The following CACNA1C variants were observed in gnomAD, a reference collection of about 807,000 sequenced individuals.
CACNA1C encodes calcium voltage-gated channel subunit alpha1 C.
CACNA1C carries 30 observed loss-of-function variants against 229.0 expected under a neutral mutation model. The observed-to-expected ratio is 0.13, with a 90% confidence interval of 0.10 to 0.18. The LOEUF is 0.18. Ranked by LOEUF, CACNA1C falls within the 10% of genes least tolerant of loss-of-function variation. The pLI is 1.00. For missense variants in CACNA1C, 1,658 were observed against 2,845.0 expected, an observed-to-expected ratio of 0.58 and a Z score of 9.49; for synonymous variants, 1,114 against 1,132.5, an observed-to-expected ratio of 0.98 and a Z score of 0.33.
chr12:2,026,532 A>C (rs1161845088), intron 1 of CACNA1C, among the ~76,000 whole-genome samples: 3 of 152,200 alleles, frequency 2.0e-5, no homozygotes, highest in Non-Finnish European at 4.4e-5. Context: ...GGTAGGAATG[A>C]ATGAAGGGAA....
chr12:2,328,298 GCTT>G (rs2096410574), intron 3 of CACNA1C, among the ~76,000 whole-genome samples: 1 of 152,224 alleles, frequency 6.6e-6, no homozygotes, highest in South Asian at 2.1e-4. Flanking sequence ...TTATTAGAGA[GCTT>G]CTGCCCAGTG....
intron 3 of CACNA1C, among the ~76,000 whole-genome samples, chr12:2,446,842 G>A (rs181219871): frequency 9.2e-4 from 139 of 151,294 alleles, no homozygotes; most frequent in Non-Finnish European, 1.5e-3. Flanking sequence ...GTACATGGAT[G>A]GATGAATGGA....
intron 1 of CACNA1C, among the ~76,000 whole-genome samples, chr12:2,017,255 C>T (rs556919515): frequency 1.3e-5 from 2 of 152,226 alleles, no homozygotes; most frequent in South Asian, 2.1e-4. Flanking sequence ...CCCTGGCACA[C>T]GGGTGGAAAA....
chr12:1,985,670 T>C (rs2037484976), intron 1 of CACNA1C, among the ~76,000 whole-genome samples: 1 of 152,204 alleles, frequency 6.6e-6, no homozygotes, highest in Non-Finnish European at 1.5e-5. Context: ...ATTTTTATTA[T>C]TTTGTGAGAC....
intron 1 of CACNA1C, among the ~76,000 whole-genome samples, chr12:1,975,702 C>T (rs887985395): frequency 2.6e-5 from 4 of 152,134 alleles, no homozygotes; most frequent in Non-Finnish European, 4.4e-5. Flanking sequence ...AAGCTGAGAA[C>T]CTTAATAGTC....
rs755032537 is a variant in CACNA1C at position 2,605,984 on chromosome 12, A to G, written c.3156+198A>G. On this transcript the variant is annotated intron_variant, in intron 24 of 46. Coordinates refer to ENST00000399655, the MANE Select transcript of CACNA1C (RefSeq NM_000719.7). This position sits in a 1 kb window ranked among gnomAD's most constrained non-coding sequence, Gnocchi z 6.2. Reference sequence around the variant, plus strand: ...GAAGGAGGCATCGGGCCACCAGGCCAGAGGCCCCTCACCCTCTCCACTTCA... The same window carrying G: ...GAAGGAGGCATCGGGCCACCAGGCCGGAGGCCCCTCACCCTCTCCACTTCA... Among the ~76,000 whole-genome samples the G allele has an allele frequency of 6.6e-6, 1 of 152,230 alleles. No homozygotes were observed. Among genetic ancestry groups the G allele is most frequent in the Non-Finnish European group, 1.5e-5 (1 of 68,040 alleles).
In CACNA1C at chr12:2,383,093, A is replaced by C. The variant is rs190013937; in HGVS notation, c.478-65883A>C. On this transcript the variant is annotated intron_variant, in intron 3 of 46. Transcript: ENST00000399655. The stretch of plus-strand genomic sequence containing the variant: ...CTATCATTAATGAACTGTGTGATCC[A>C]GGCAAGTGGTTTATCAGCCTTCTCT... 2.1e-3 allele frequency among the ~76,000 whole-genome samples: 322 copies of C among 152,324 alleles called. 1 individual carries two copies. Among genetic ancestry groups the C allele is most frequent in the Non-Finnish European group, 2.6e-3 (176 of 68,018 alleles).
intron 3 of CACNA1C, among the ~76,000 whole-genome samples, chr12:2,140,497 A>G (rs2094052851): frequency 6.6e-6 from 1 of 151,414 alleles, no homozygotes; most frequent in Admixed American, 6.6e-5. Context: ...GCACCAGATG[A>G]GAGGCTAGGA....
At chr12:2,184,042 A>C (rs1392218033) in intron 3 of CACNA1C, among the ~76,000 whole-genome samples, 1 of 152,204 alleles carries the variant, frequency 6.6e-6, no homozygotes, top group African/African-American at 2.4e-5. Flanking sequence ...TAATTGGCCC[A>C]GTCTTTTTCT....
intron 3 of CACNA1C, among the ~76,000 whole-genome samples, chr12:2,147,327 G>A (rs897085824): frequency 6.6e-6 from 1 of 151,442 alleles, no homozygotes; most frequent in Non-Finnish European, 1.5e-5. Context: ...AAACTCTGCT[G>A]TTTCAGCCAG....
intron 3 of CACNA1C, among the ~76,000 whole-genome samples, chr12:2,248,662 G>A (rs1320928818): frequency 6.6e-6 from 1 of 152,246 alleles, no homozygotes; most frequent in African/African-American, 2.4e-5. Flanking sequence ...AGCCGCAGTG[G>A]TATAAACTCT....
chr12:2,143,645 A>G (rs1267668582), intron 3 of CACNA1C, among the ~76,000 whole-genome samples: 2 of 151,188 alleles, frequency 1.3e-5, no homozygotes, highest in Non-Finnish European at 1.5e-5. Flanking sequence ...AGGTTTGTGT[A>G]AGTGCACTTT....
At chr12:2,643,501 C>G (rs1257055905) in intron 30 of CACNA1C, among the ~76,000 whole-genome samples, 2 of 152,234 alleles carry the variant, frequency 1.3e-5, no homozygotes, top group Non-Finnish European at 2.9e-5. Context: ...TCTATCCCAG[C>G]TAACGTTTGT....
At chr12:2,290,550 C>G (rs889478659) in intron 3 of CACNA1C, among the ~76,000 whole-genome samples, 45 of 152,296 alleles carry the variant, frequency 3.0e-4, no homozygotes, top group African/African-American at 1.1e-3. Flanking sequence ...CCTTTCCTAA[C>G]CAGGCAGACT....
intron 5 of CACNA1C, among the ~76,000 whole-genome samples, chr12:2,477,589 G>A (rs572863075): frequency 9.2e-5 from 14 of 152,294 alleles, no homozygotes; most frequent in African/African-American, 3.1e-4. Context: ...TCTCCAGTCT[G>A]TAGTTGGGTT....
chr12:2,072,974 G>C (rs149451670), intron 1 of CACNA1C, among the ~76,000 whole-genome samples: 2 of 152,126 alleles, frequency 1.3e-5, no homozygotes, highest in Non-Finnish European at 2.9e-5. Context: ...TGATAGATAC[G>C]TTGATGAATA....
intron 9 of CACNA1C, among the ~76,000 whole-genome samples, chr12:2,538,734 C>T (rs1437384720): frequency 6.6e-6 from 1 of 152,220 alleles, no homozygotes; most frequent in African/African-American, 2.4e-5. Context: ...CTTCATCTAT[C>T]CACTTGACAA....
chr12:2,497,514 A>G (rs374996915), intron 7 of CACNA1C, among the ~76,000 whole-genome samples: 17 of 152,288 alleles, frequency 1.1e-4, no homozygotes, highest in African/African-American at 4.1e-4. Flanking sequence ...CATCAGGAGC[A>G]TTCTGTTGAC....
At chr12:2,635,779 C>T (rs763460309) in intron 30 of CACNA1C, among the ~76,000 whole-genome samples, 8 of 152,022 alleles carry the variant, frequency 5.3e-5, no homozygotes, top group Non-Finnish European at 8.8e-5. Flanking sequence ...TCTCTGAGAA[C>T]TGTCTTTGTC....
Sources: gnomAD v4.1 joint callset for allele counts (sites outside exome capture counted in the v4.1 genomes callset) on GRCh38, gnomAD v4.1.1 for gene constraint, Gnocchi (gnomAD v3.1) non-coding constraint, MANE v1.5 for transcripts, NCBI Gene and HGNC (gene_info 2026-07-23, HGNC 2026-07-21) for gene names.